WDFY4: variants seen among roughly 807,000 people sequenced by gnomAD.
The protein encoded by WDFY4 is WDFY family member 4.
Under a neutral mutation model 351.9 loss-of-function variants are expected in WDFY4, and 169 were observed. That is an observed-to-expected ratio of 0.48 (90% CI 0.42 to 0.55). The LOEUF (loss-of-function observed/expected upper bound fraction) is 0.55. WDFY4 is among the 20% of genes least tolerant of loss of function. The pLI, the probability that WDFY4 is intolerant of heterozygous loss-of-function variation, is 0.00. For missense variants in WDFY4, 3,803 were observed against 3,935.6 expected, an observed-to-expected ratio of 0.97 and a Z score of 0.90; for synonymous variants, 1,622 against 1,574.6, an observed-to-expected ratio of 1.03 and a Z score of -0.71.
chr10:48,815,918 T>A (rs1259993964), intron 31 of WDFY4, among the ~76,000 whole-genome samples: 1 of 152,160 alleles, frequency 6.6e-6, no homozygotes, highest in Non-Finnish European at 1.5e-5. Flanking sequence ...TTTTTCAGGT[T>A]TTGACATCAG....
chr10:48,970,148 G>T lies in WDFY4; in HGVS notation c.8787G>T (p.Glu2929Asp), dbSNP rs752669920. ...YGSDKVLMTF[E>D]NLAAWGRCLC... The stretch of plus-strand genomic sequence containing the variant: ...TCCTACAGGTCCTGATGACATTCGA[G>T]AACCTGGCTGCCTGGGGCCGCTGTC... Residue 2929 changes from glutamate (E) to aspartate (D), a missense_variant, in exon 57 of 62, where the codon GAG becomes GAT. This residue lies in a region of WDFY4 where 3,054 missense variants were observed against 3,148.6 expected (regional missense o/e 0.97). Transcript: ENST00000325239. The T allele has an allele frequency of 1.3e-6, 2 of 1,551,626 alleles. No individual in the cohort carries two copies. Among genetic ancestry groups the T allele is most frequent in the South Asian group, 2.4e-5 (2 of 84,056 alleles).
At chr10:48,793,426 C>T (rs567652438) in intron 23 of WDFY4, among the ~76,000 whole-genome samples, 1 of 152,288 alleles carries the variant, frequency 6.6e-6, no homozygotes, top group South Asian at 2.1e-4. Flanking sequence ...GGAGAAGCTG[C>T]GTGGCAAGAG....
chr10:48,954,549 C>T (rs1841494012), intron 51 of WDFY4, among the ~76,000 whole-genome samples: 1 of 152,208 alleles, frequency 6.6e-6, no homozygotes, highest in Admixed American at 6.5e-5. Flanking sequence ...GACTGGGTCT[C>T]TCTGCCTCTT....
At chr10:48,911,633 A>T (rs1838012662) in intron 47 of WDFY4, among the ~76,000 whole-genome samples, 1 of 152,242 alleles carries the variant, frequency 6.6e-6, no homozygotes, top group East Asian at 1.9e-4. Context: ...AAAGCAGGAC[A>T]GAAATGACAG....
chr10:48,824,160 C>T (rs767639925), intron 35 of WDFY4: 104 of 985,290 alleles, frequency 1.1e-4, no homozygotes, highest in Non-Finnish European at 1.2e-4. Flanking sequence ...TTCTGGACTC[C>T]GTCTCCAGTA....
At chr10:48,836,220 T>A (rs1156495269) in intron 39 of WDFY4, among the ~76,000 whole-genome samples, 2 of 152,354 alleles carry the variant, frequency 1.3e-5, no homozygotes, top group African/African-American at 4.8e-5. Context: ...CAGTGAGCAA[T>A]GTAATTGATA....
chr10:48,823,381 C>T, intron 35 of WDFY4: 1 of 1,234,998 alleles, frequency 8.1e-7, no homozygotes, highest in Non-Finnish European at 1.0e-6. Context: ...TGGTTATGCC[C>T]TCTGCAGCAG....
intron 28 of WDFY4, among the ~76,000 whole-genome samples, chr10:48,810,050 CT>C (rs141701503): frequency 0.24 from 36,243 of 151,596 alleles, 5,338 homozygotes; most frequent in East Asian, 0.71. Flanking sequence ...AATCATGTTT[CT>C]TTTTTTTTGG....
At chr10:48,721,102 C>T (rs865780545) in intron 3 of WDFY4, among the ~76,000 whole-genome samples, 159 bp from the exon 4 acceptor site, 8 of 152,052 alleles carry the variant, frequency 5.3e-5, no homozygotes, top group East Asian at 1.9e-4. Flanking sequence ...GGGTGTGGAG[C>T]GTTTGGTAGA....
chr10:48,920,472 T>C (rs919086316), intron 47 of WDFY4, among the ~76,000 whole-genome samples: 2 of 151,930 alleles, frequency 1.3e-5, no homozygotes, highest in Non-Finnish European at 2.9e-5. Flanking sequence ...CATATGTAAC[T>C]AACCTGCACG....
At chr10:48,756,611 C>T (rs1220612352) in intron 12 of WDFY4, among the ~76,000 whole-genome samples, 2 of 151,980 alleles carry the variant, frequency 1.3e-5, no homozygotes, top group African/African-American at 4.8e-5. Context: ...TTTGTAGATG[C>T]CCATTGTTAG....
At chr10:48,981,524 A>G in intron 61 of WDFY4, 46 bp downstream of exon 61, 1 of 1,533,890 alleles carries the variant, frequency 6.5e-7, no homozygotes, top group African/African-American at 1.4e-5. Context: ...AGGGCACTGC[A>G]GCCACCTTTA....
chr10:48,795,491 G>GTGTA lies in WDFY4; in HGVS notation c.4258-806_4258-805insGTAT, dbSNP rs1416892459. Among the ~76,000 whole-genome samples the GTGTA allele has an allele frequency of 4.1e-3, 411 of 101,136 alleles. 18 individuals are homozygous for GTGTA. Among genetic ancestry groups the GTGTA allele is most frequent in the African/African-American group, 0.017 (384 of 21,952 alleles). 66.3% of individuals were successfully genotyped at this position (101,136 alleles called of 152,430 possible). A position where few individuals can be genotyped will look rare whatever the true frequency, so the allele number is the denominator to read the frequency against. ...TGGGATTTCATATATGTGTGTGTCT[G>GTGTA]TATATATATATATATATATATATAT... On this transcript the variant is annotated intron_variant, in intron 23 of 61. Transcript: ENST00000325239.
intron 61 of WDFY4, among the ~76,000 whole-genome samples, chr10:48,982,014 T>C (rs1842829327): frequency 6.6e-6 from 1 of 152,152 alleles, no homozygotes; most frequent in South Asian, 2.1e-4. Flanking sequence ...CCGCTGACCT[T>C]GCAGAGCCGG....
intron 11 of WDFY4, among the ~76,000 whole-genome samples, chr10:48,737,806 T>C (rs547287049): frequency 2.6e-5 from 4 of 152,260 alleles, no homozygotes. Flanking sequence ...AAGGGAGAGA[T>C]ATATCAAAAA....
chr10:48,772,491 C>A (rs983060083), intron 13 of WDFY4, among the ~76,000 whole-genome samples: 1 of 142,110 alleles, frequency 7.0e-6, no homozygotes, highest in African/African-American at 2.7e-5. Context: ...CTGGGCAGGG[C>A]AGCTCTTACC....
intron 4 of WDFY4, 22 bp downstream of exon 4, chr10:48,721,389 T>C (rs1589451178): frequency 6.5e-7 from 1 of 1,549,824 alleles, no homozygotes; most frequent in East Asian, 2.4e-5. Flanking sequence ...ACCATCAGCC[T>C]CTGCCCTGGG....
chr10:48,874,217 C>T lies in WDFY4; in HGVS notation c.6948+520C>T, dbSNP rs544635370. On this transcript the variant is annotated intron_variant, in intron 41 of 61. Transcript: ENST00000325239. ...ACTCATTCCAAACAACATTGACTTC[C>T]CAAGCAACAGAATCTGGGTAGTCCC... Among the ~76,000 whole-genome samples, 104 of 152,298 alleles carry T rather than the reference C, an allele frequency of 6.8e-4. 1 individual carries two copies. Among genetic ancestry groups the T allele is most frequent in the Non-Finnish European group, 1.2e-3 (83 of 68,020 alleles).
At chr10:48,982,484 C>A in intron 61 of WDFY4, 25 bp from the exon 62 acceptor site, 1 of 1,487,704 alleles carries the variant, frequency 6.7e-7, no homozygotes, top group Non-Finnish European at 9.0e-7. Context: ...CTCTAACGTT[C>A]TTGTCTTTTC....
Sources: allele counts gnomAD v4.1 joint callset (sites outside exome capture counted in the v4.1 genomes callset), GRCh38; gene constraint gnomAD v4.1.1; regional missense constraint gnomAD v4.1.1; transcripts MANE v1.5; gene names NCBI Gene and HGNC (gene_info 2026-07-23, HGNC 2026-07-21).